OSTF1: variants seen among roughly 807,000 people sequenced by gnomAD.
The protein encoded by OSTF1 is osteoclast stimulating factor 1.
Under a neutral mutation model 37.2 loss-of-function variants are expected in OSTF1, and 27 were observed. The ratio of observed to expected loss-of-function variants is 0.73; its 90% CI spans 0.54 to 1.00. The LOEUF is 1.00. OSTF1 is among the 50% of genes least tolerant of loss of function. The probability of loss-of-function intolerance (pLI) is 0.00; values close to 1 mark genes in which losing one functional copy is unlikely to be tolerated. For synonymous variants in OSTF1, 82 were observed against 89.2 expected (o/e 0.92, Z 0.46); for missense variants, 232 against 253.8 (o/e 0.91, Z 0.58).
chr9:75,143,468 CGCCACAT>C (rs1455976239), intron 9 of OSTF1, among the ~76,000 whole-genome samples: 1 of 152,180 alleles, frequency 6.6e-6, no homozygotes, highest in African/African-American at 2.4e-5. Flanking sequence ...AGTTCCCACA[CGCCACAT>C]GCCTCCCTCA....
intron 1 of OSTF1, among the ~76,000 whole-genome samples, chr9:75,108,194 C>T (rs1825323723): frequency 6.6e-6 from 1 of 151,906 alleles, no homozygotes. Flanking sequence ...CACTGTACTC[C>T]AACCTGGGTG....
At chr9:75,125,472 A>G (rs1215068126) in intron 2 of OSTF1, among the ~76,000 whole-genome samples, 1 of 152,250 alleles carries the variant, frequency 6.6e-6, no homozygotes, top group Non-Finnish European at 1.5e-5. Context: ...AAGCAACAAA[A>G]AAAGTAAAAA....
chr9:75,111,232 A>T (rs1385201135), intron 1 of OSTF1, among the ~76,000 whole-genome samples: 1 of 152,182 alleles, frequency 6.6e-6, no homozygotes, highest in South Asian at 2.1e-4. Flanking sequence ...TTGCCTGTAG[A>T]ATATCCTGTT....
Position 75,137,597 on chromosome 9 carries a change from C to G in OSTF1, c.468C>G (p.Val156=), listed in dbSNP as rs1262523032. 6.2e-7 allele frequency: 1 copy of G among 1,611,184 alleles called. No individual in the cohort carries two copies. The highest frequency in any genetic ancestry group is 2.2e-5 in the East Asian group (1 of 44,856). The stretch of plus-strand genomic sequence containing the variant: ...CCTGGAAGGGTTATGCAGATATCGT[C>G]CAGTTGCTTCTGGCAAAAGGTAAAG... ...AAAWKGYADI[V]QLLLAKGART... The change falls in exon 8 of 10, where the codon GTC becomes GTG. Residue 156 remains valine (V), a synonymous_variant. Transcript: ENST00000346234.
intron 8 of OSTF1, among the ~76,000 whole-genome samples, chr9:75,138,506 G>A (rs983712549): frequency 2.0e-5 from 3 of 152,130 alleles, no homozygotes; most frequent in African/African-American, 7.2e-5. Context: ...TGCTGTAAGT[G>A]TAAAATGCAT....
chr9:75,088,728 TG>T lies in OSTF1; in HGVS notation c.34+3del. On this transcript the variant is annotated splice_donor_region_variant and intron_variant, in intron 1 of 9. Coordinates refer to ENST00000346234, the MANE Select transcript of OSTF1 (RefSeq NM_012383.5). Reference sequence around the variant, plus strand: ...CGCCACCCAAACCAGTCAAACCAGGTGAGGGAGGTAAGGTAGGCGCTTGCCA... The same window carrying T: ...CGCCACCCAAACCAGTCAAACCAGGTAGGGAGGTAAGGTAGGCGCTTGCCA... 9 of 1,607,348 alleles carry T rather than the reference TG, an allele frequency of 5.6e-6. No homozygotes were observed. The highest frequency in any genetic ancestry group is 7.6e-6 in the Non-Finnish European group (9 of 1,176,700).
chr9:75,122,109 C>T (rs1825589940), intron 2 of OSTF1, among the ~76,000 whole-genome samples: 1 of 152,172 alleles, frequency 6.6e-6, no homozygotes, highest in African/African-American at 2.4e-5. Context: ...AAAGTGTCAA[C>T]CACGGACCTG....
intron 9 of OSTF1, among the ~76,000 whole-genome samples, chr9:75,145,177 A>ATCTATCTGATCT (rs10701570): frequency 6.7e-6 from 1 of 148,944 alleles, no homozygotes; most frequent in Non-Finnish European, 1.5e-5. Context: ...CTATCTATCT[A>ATCTATCTGATCT]ATCTATCTAT....
chr9:75,106,977 G>GAAAAAAAAAGAAAAAAAAAAAAAAA (rs1825297480), intron 1 of OSTF1, among the ~76,000 whole-genome samples: 1 of 105,378 alleles, frequency 9.5e-6, no homozygotes, highest in Non-Finnish European at 2.0e-5. Flanking sequence ...AAAAGAAAAA[G>GAAAAAAAAAGAAAAAAAAAAAAAAA]AAAAAAAAAG....
chr9:75,130,245 G>T (rs1825741907), intron 3 of OSTF1, among the ~76,000 whole-genome samples: 2 of 152,216 alleles, frequency 1.3e-5, no homozygotes, highest in Admixed American at 1.3e-4. Flanking sequence ...TTATCTCAAA[G>T]CTAAGAGAAA....
chr9:75,123,187 C>T (rs1825607191), intron 2 of OSTF1, among the ~76,000 whole-genome samples: 1 of 152,128 alleles, frequency 6.6e-6, no homozygotes, highest in Non-Finnish European at 1.5e-5. Flanking sequence ...TCTGGGAGGC[C>T]GAGGCGGGTG....
rs532136570 is a variant in OSTF1 at position 75,094,244 on chromosome 9, C to A, written c.34+5518C>A. Among the ~76,000 whole-genome samples the A allele has an allele frequency of 1.2e-3, 184 of 152,162 alleles. No homozygotes were observed. In the South Asian group the frequency reaches 0.015, roughly 13 times the overall value. ...TGTAACTGCCCTCTTTCAATGGATC[C>A]GTATTAGAGCATTAAACTATGCACT... On this transcript the variant is annotated intron_variant, in intron 1 of 9. Transcript: ENST00000346234.
intron 3 of OSTF1, among the ~76,000 whole-genome samples, chr9:75,128,385 TATATATATATATATA>T (rs1825695798): frequency 8.9e-5 from 8 of 90,014 alleles, no homozygotes; most frequent in African/African-American, 3.0e-4. Flanking sequence ...TATATATATA[TATATATATATATATA>T]TATATATTTT....
rs1435830706 is a variant in OSTF1 at position 75,109,320 on chromosome 9, G to C, written c.35-8184G>C. Among the ~76,000 whole-genome samples, 4 of 152,252 alleles carry C rather than the reference G, an allele frequency of 2.6e-5. No homozygotes were observed. The South Asian group carries it at 8.3e-4, about 32-fold the overall frequency. ...AGCCGCCATGCCCGGCCAGGTTTCA[G>C]ATTTATTCTTGTATCCCAGTAGTTC... On this transcript the variant is annotated intron_variant, in intron 1 of 9. Transcript: ENST00000346234.
intron 1 of OSTF1, among the ~76,000 whole-genome samples, chr9:75,097,033 C>G (rs796944461): frequency 1.5e-4 from 23 of 152,216 alleles, no homozygotes; most frequent in African/African-American, 5.5e-4. Flanking sequence ...GCTAGCCCTG[C>G]GAGGACTTCA....
chr9:75,140,231 G>T (rs750791961), intron 8 of OSTF1, among the ~76,000 whole-genome samples: 1 of 152,302 alleles, frequency 6.6e-6, no homozygotes, highest in Admixed American at 6.5e-5. Context: ...TACCTTAGGC[G>T]TAGGTAGAAG....
At chr9:75,096,543 G>A (rs2118390910) in intron 1 of OSTF1, among the ~76,000 whole-genome samples, 1 of 152,208 alleles carries the variant, frequency 6.6e-6, no homozygotes, top group African/African-American at 2.4e-5. Flanking sequence ...ACTGTCTCAG[G>A]CCCTTTACAA....
In OSTF1 at chr9:75,088,622, G is replaced by C; in HGVS notation, c.-71G>C. 1 of 1,495,118 alleles carries C rather than the reference G, an allele frequency of 6.7e-7. No homozygotes were observed. 92.6% of individuals were successfully genotyped at this position (1,495,118 alleles called of 1,614,324 possible). A position where few individuals can be genotyped will look rare whatever the true frequency, so the allele number is the denominator to read the frequency against. ...CAGACAAAAAGAACTGGGGTGCCCG[G>C]AGTGCCAGGTGGCGGGCAAGCGGTG... On this transcript the variant is annotated 5_prime_UTR_variant, in exon 1 of 10. Transcript: ENST00000346234.
chr9:75,115,174 A>G (rs1301527515), intron 1 of OSTF1, among the ~76,000 whole-genome samples: 1 of 152,230 alleles, frequency 6.6e-6, no homozygotes, highest in Admixed American at 6.5e-5. Flanking sequence ...TTTCTGAAGT[A>G]GTCTTCCCGT....
Sources: allele counts gnomAD v4.1 joint callset (sites outside exome capture counted in the v4.1 genomes callset), GRCh38; gene constraint gnomAD v4.1.1; transcripts MANE v1.5; gene names NCBI Gene and HGNC (gene_info 2026-07-23, HGNC 2026-07-21).